NUMB: variants seen among roughly 807,000 people sequenced by gnomAD.
NUMB encodes the protein NUMB endocytic adaptor protein.
Under a neutral mutation model 59.7 loss-of-function variants are expected in NUMB, and 29 were observed. The observed-to-expected ratio is 0.49, with a 90% CI of 0.36 to 0.66. The LOEUF (loss-of-function observed/expected upper bound fraction) is 0.66. NUMB is among the 30% of genes least tolerant of loss of function. NUMB has a pLI of 0.00. For synonymous variants in NUMB, 288 were observed against 288.2 expected (o/e 1.00, Z 0.01); for missense variants, 723 against 822.0 (o/e 0.88, Z 1.47).
chr14:73,292,956 T>C (rs1346812468), intron 7 of NUMB, 82 bp from the exon 8 acceptor site: 5 of 1,360,858 alleles, frequency 3.7e-6, no homozygotes, highest in Non-Finnish European at 5.2e-6. Context: ...CATTTCATGA[T>C]GCACAATCCA....
At chr14:73,445,354 C>CAAAAAAAAAAAAAAAAAAAAAAAAAAAA (rs752154048) in intron 1 of NUMB, among the ~76,000 whole-genome samples, 1 of 57,578 alleles carries the variant, frequency 1.7e-5, no homozygotes, top group African/African-American at 6.1e-5. Context: ...GACCCTGTCT[C>CAAAAAAAAAAAAAAAAAAAAAAAAAAAA]AAAAAAAAAA....
At chr14:73,326,641 A>G (rs1304617937) in intron 4 of NUMB, among the ~76,000 whole-genome samples, 2 of 151,974 alleles carry the variant, frequency 1.3e-5, no homozygotes, top group African/African-American at 2.4e-5. Context: ...AAAAAGAAAA[A>G]AAAAAGAAAA....
At chr14:73,438,191 G>A (rs930013147) in intron 1 of NUMB, among the ~76,000 whole-genome samples, 24 of 152,026 alleles carry the variant, frequency 1.6e-4, no homozygotes, top group African/African-American at 5.3e-4. Context: ...TCTATTTTGA[G>A]AATACAGAAA....
chr14:73,398,583 A>T (rs1443074378), intron 2 of NUMB, among the ~76,000 whole-genome samples: 2 of 146,200 alleles, frequency 1.4e-5, no homozygotes, highest in Admixed American at 6.9e-5. Flanking sequence ...TTATTTGGGT[A>T]TTTTTTTTTT....
chr14:73,435,261 T>G (rs943531286), intron 1 of NUMB, among the ~76,000 whole-genome samples: 24 of 147,850 alleles, frequency 1.6e-4, no homozygotes, highest in Non-Finnish European at 3.3e-4. Context: ...GGAGAACCAT[T>G]TGGCAATTAC....
intron 4 of NUMB, among the ~76,000 whole-genome samples, chr14:73,355,085 A>G (rs954821293): frequency 1.3e-5 from 2 of 152,198 alleles, no homozygotes; most frequent in Non-Finnish European, 2.9e-5. Context: ...AAGCACCTGT[A>G]CATCACTGCC....
chr14:73,414,116 G>A (rs1418030764), intron 1 of NUMB, among the ~76,000 whole-genome samples: 2 of 151,644 alleles, frequency 1.3e-5, no homozygotes, highest in African/African-American at 2.4e-5. Flanking sequence ...CACCACACTC[G>A]GCTAATATTT....
chr14:73,444,623 C>A (rs1883327924), intron 1 of NUMB, among the ~76,000 whole-genome samples: 1 of 151,926 alleles, frequency 6.6e-6, no homozygotes. Context: ...CTTTAGTCTA[C>A]AATTTTTCTC....
At chr14:73,427,545 CA>C (rs1897641945) in intron 1 of NUMB, among the ~76,000 whole-genome samples, 1 of 152,046 alleles carries the variant, frequency 6.6e-6, no homozygotes, top group South Asian at 2.1e-4. Flanking sequence ...ACAATATCAA[CA>C]GTATCTCTAA....
intron 4 of NUMB, among the ~76,000 whole-genome samples, chr14:73,335,072 T>C (rs1892229940): frequency 6.6e-6 from 1 of 152,030 alleles, no homozygotes; most frequent in African/African-American, 2.4e-5. Context: ...GTGCTTTCTT[T>C]CATTTTCCAT....
chr14:73,406,913 T>C (rs1251120968), intron 2 of NUMB, among the ~76,000 whole-genome samples: 2 of 152,202 alleles, frequency 1.3e-5, no homozygotes, highest in African/African-American at 2.4e-5. Context: ...TGTCTGTTCA[T>C]ATCCTTCGCC....
At chr14:73,449,548 G>C (rs1883781595) in intron 1 of NUMB, among the ~76,000 whole-genome samples, 1 of 151,980 alleles carries the variant, frequency 6.6e-6, no homozygotes, top group Non-Finnish European at 1.5e-5. Context: ...ACACAGATAA[G>C]GGCTGACTAT....
chr14:73,323,238 A>G (rs1357969546), intron 4 of NUMB, 34 bp from the exon 5 acceptor site: 2 of 1,434,652 alleles, frequency 1.4e-6, no homozygotes, highest in Admixed American at 3.4e-5. Flanking sequence ...GGCTATTGCT[A>G]TGTTTACCAA....
At chr14:73,381,223 C>A (rs927484325) in intron 2 of NUMB, among the ~76,000 whole-genome samples, 2 of 152,026 alleles carry the variant, frequency 1.3e-5, no homozygotes, top group African/African-American at 4.8e-5. Context: ...TAATTTAGAA[C>A]CTTGTCTATG....
At chr14:73,344,427 G>C (rs1381287059) in intron 4 of NUMB, among the ~76,000 whole-genome samples, 1 of 152,184 alleles carries the variant, frequency 6.6e-6, no homozygotes, top group Non-Finnish European at 1.5e-5. Context: ...AATACTATCT[G>C]TTCTAATTTC....
chr14:73,342,768 T>C (rs10220356), intron 4 of NUMB, among the ~76,000 whole-genome samples: 85,230 of 152,018 alleles, frequency 0.56, 24,554 homozygotes, highest in East Asian at 0.73. Flanking sequence ...TATTTACTCA[T>C]TCAACTCTCA....
intron 4 of NUMB, among the ~76,000 whole-genome samples, chr14:73,350,479 A>G (rs1206772630): frequency 3.3e-5 from 5 of 150,820 alleles, no homozygotes; most frequent in Non-Finnish European, 5.9e-5. Context: ...AGCCTGTGTC[A>G]TTTTTAATAC....
chr14:73,366,650 G>C (rs1894359946), intron 3 of NUMB, among the ~76,000 whole-genome samples: 1 of 152,164 alleles, frequency 6.6e-6, no homozygotes, highest in Non-Finnish European at 1.5e-5. Flanking sequence ...GAGGCTAAAG[G>C]ATTCATACCC....
intron 2 of NUMB, among the ~76,000 whole-genome samples, chr14:73,382,055 A>T (rs1895268031): frequency 6.6e-6 from 1 of 152,244 alleles, no homozygotes; most frequent in Non-Finnish European, 1.5e-5. Flanking sequence ...AAAAAAAGCA[A>T]TCACAGAAAA....
Sources: allele counts gnomAD v4.1 joint callset (sites outside exome capture counted in the v4.1 genomes callset), GRCh38; gene constraint gnomAD v4.1.1; transcripts MANE v1.5; gene names NCBI Gene and HGNC (gene_info 2026-07-23, HGNC 2026-07-21).